Variants in PDE3A observed in about 807,000 individuals in gnomAD.
The protein encoded by PDE3A is cGMP-inhibited 3',5'-cyclic phosphodiesterase 3A.
Under a neutral mutation model 98.3 loss-of-function variants are expected in PDE3A, and 43 were observed. The observed-to-expected ratio is 0.44, with a 90% CI of 0.34 to 0.56. The LOEUF is 0.56. Ranked by LOEUF, PDE3A falls within the 20% of genes least tolerant of loss-of-function variation. PDE3A has a pLI of 0.01. For synonymous variants in PDE3A, 663 were observed against 567.9 expected (o/e 1.17, Z -2.38); for missense variants, 1,427 against 1,440.7 (o/e 0.99, Z 0.15).
At chr12:20,646,994 C>T (rs759275705) in intron 12 of PDE3A, 44 bp downstream of exon 12, 14 of 1,389,694 alleles carry the variant, frequency 1.0e-5, no homozygotes, top group Non-Finnish European at 1.3e-5. Flanking sequence ...TTAAAGATTT[C>T]TCAAGAAAGT....
chr12:20,633,230 C>T (rs1003873545), intron 6 of PDE3A, among the ~76,000 whole-genome samples: 7 of 152,120 alleles, frequency 4.6e-5, no homozygotes, highest in East Asian at 1.9e-4. Context: ...GGATTACAGG[C>T]GTGAGCCCAT....
At chr12:20,653,846 C>A (rs1316743159) in intron 14 of PDE3A, 101 bp from the exon 15 acceptor site, 7 of 1,195,912 alleles carry the variant, frequency 5.9e-6, no homozygotes, top group Non-Finnish European at 6.0e-6. Flanking sequence ...GATCCTTTAG[C>A]TGTCAAGTAA....
At chr12:20,540,211 T>G (rs755221998) in intron 1 of PDE3A, among the ~76,000 whole-genome samples, 1 of 152,134 alleles carries the variant, frequency 6.6e-6, no homozygotes, top group Non-Finnish European at 1.5e-5. Flanking sequence ...TGACCATCTT[T>G]CTCTTTCAAA....
At chr12:20,469,174 T>G (rs968512646) in intron 1 of PDE3A, among the ~76,000 whole-genome samples, 86 of 152,318 alleles carry the variant, frequency 5.6e-4, no homozygotes, top group Non-Finnish European at 6.9e-4. Flanking sequence ...TTGAGACATA[T>G]TTGTTCATAT....
chr12:20,654,422 C>T (rs958416229), intron 15 of PDE3A, among the ~76,000 whole-genome samples: 4 of 152,112 alleles, frequency 2.6e-5, no homozygotes, highest in Non-Finnish European at 4.4e-5. Context: ...ATATCTTCTC[C>T]GTCATGAAGT....
chr12:20,586,799 C>T (rs1034568974), intron 2 of PDE3A, among the ~76,000 whole-genome samples: 1 of 152,166 alleles, frequency 6.6e-6, no homozygotes, highest in South Asian at 2.1e-4. Context: ...TTAGTACTTA[C>T]TACTTAGCCT....
chr12:20,505,090 C>G (rs1171343894), intron 1 of PDE3A, among the ~76,000 whole-genome samples: 1 of 152,048 alleles, frequency 6.6e-6, no homozygotes, highest in Non-Finnish European at 1.5e-5. Flanking sequence ...GGTTTTAGCT[C>G]AAAGAGAAGT....
intron 15 of PDE3A, among the ~76,000 whole-genome samples, chr12:20,671,019 C>A: frequency 8.9e-6 from 1 of 112,408 alleles, no homozygotes; most frequent in African/African-American, 3.9e-5. Context: ...AAGGGGATAT[C>A]ACCACCGATC....
intron 1 of PDE3A, among the ~76,000 whole-genome samples, chr12:20,450,948 A>G (rs2120885977): frequency 6.6e-6 from 1 of 152,342 alleles, no homozygotes; most frequent in Non-Finnish European, 1.5e-5. Context: ...GGCAAGAAAC[A>G]GTTTCTAACT....
chr12:20,448,237 C>T (rs1168877293), intron 1 of PDE3A, among the ~76,000 whole-genome samples: 3 of 152,058 alleles, frequency 2.0e-5, no homozygotes, highest in Non-Finnish European at 4.4e-5. Flanking sequence ...GTCAGGATTT[C>T]GAGACCAGCC....
At chr12:20,639,241 A>G (rs1944592035) in intron 9 of PDE3A, among the ~76,000 whole-genome samples, 1 of 152,132 alleles carries the variant, frequency 6.6e-6, no homozygotes, top group Non-Finnish European at 1.5e-5. Flanking sequence ...AGAGTCATGG[A>G]TACCAGTAGA....
intron 5 of PDE3A, among the ~76,000 whole-genome samples, chr12:20,627,146 A>T (rs548091697): frequency 0.25 from 1,076 of 4,386 alleles, 20 homozygotes; most frequent in Admixed American, 0.38. Context: ...TTGTTCTGTT[A>T]AAAAAAAAAA....
chr12:20,438,819 G>T (rs1565549322), intron 1 of PDE3A, among the ~76,000 whole-genome samples: 1 of 151,660 alleles, frequency 6.6e-6, no homozygotes, highest in South Asian at 2.1e-4. Flanking sequence ...AAGTGCAGTG[G>T]CATGATATTG....
intron 1 of PDE3A, among the ~76,000 whole-genome samples, chr12:20,549,620 T>C (rs1304142936): frequency 6.6e-6 from 1 of 152,128 alleles, no homozygotes; most frequent in African/African-American, 2.4e-5. Context: ...ATATTTCACA[T>C]AGGATGTAGA....
chr12:20,462,660 T>C (rs1314978442), intron 1 of PDE3A, among the ~76,000 whole-genome samples: 1 of 152,210 alleles, frequency 6.6e-6, no homozygotes, highest in Non-Finnish European at 1.5e-5. Context: ...TTAAAAAATG[T>C]TATTTTCAAT....
intron 1 of PDE3A, 101 bp from the exon 2 acceptor site, chr12:20,556,559 T>C: frequency 2.6e-6 from 2 of 764,112 alleles, no homozygotes; most frequent in South Asian, 1.6e-5. Flanking sequence ...AATATATTAC[T>C]AATAAAGATT....
rs563888235 is a variant in PDE3A at position 20,369,025 on chromosome 12, T to A, written c.-260T>A. ...AGAAAAGGGGAATCCTGATCGTTTCTGCCCGTGCTTGTTTTCAACTTGAGC... is the reference window on the plus strand; with the variant it reads ...AGAAAAGGGGAATCCTGATCGTTTCAGCCCGTGCTTGTTTTCAACTTGAGC... On this transcript the variant is annotated 5_prime_UTR_variant, in exon 1 of 16. Transcript: ENST00000359062. Among the ~76,000 whole-genome samples, 2 of 152,224 alleles carry A rather than the reference T, an allele frequency of 1.3e-5. No homozygotes were observed. The highest frequency in any genetic ancestry group is 4.8e-5 in the African/African-American group (2 of 41,474).
intron 2 of PDE3A, among the ~76,000 whole-genome samples, chr12:20,561,856 A>T (rs866047253): frequency 1.3e-5 from 2 of 152,196 alleles, no homozygotes; most frequent in South Asian, 4.1e-4. Context: ...ATTGCATATG[A>T]CTTTTTAGAC....
intron 15 of PDE3A, among the ~76,000 whole-genome samples, chr12:20,669,129 C>T (rs148102553): frequency 0.064 from 9,646 of 151,580 alleles, 598 homozygotes; most frequent in Middle Eastern, 0.18. Flanking sequence ...TGAAATGAAG[C>T]GAGAAGGGAA....
Sources: gnomAD v4.1 joint callset for allele counts (sites outside exome capture counted in the v4.1 genomes callset) on GRCh38, gnomAD v4.1.1 for gene constraint, MANE v1.5 for transcripts, NCBI Gene and HGNC (gene_info 2026-07-23, HGNC 2026-07-21) for gene names.